Variants in ANKS1B observed in about 807,000 individuals in gnomAD.
ANKS1B encodes the protein ankyrin repeat and sterile alpha motif domain-containing protein 1B.
ANKS1B carries 36 observed loss-of-function variants against 148.3 expected under a neutral mutation model. The ratio of observed to expected loss-of-function variants is 0.24; its 90% CI spans 0.19 to 0.32. The LOEUF is 0.32. Ranked by LOEUF, ANKS1B falls within the 10% of genes least tolerant of loss-of-function variation. The pLI is 1.00. For missense variants in ANKS1B, 1,157 were observed against 1,542.6 expected, an observed-to-expected ratio of 0.75 and a Z score of 4.19; for synonymous variants, 542 against 560.8, an observed-to-expected ratio of 0.97 and a Z score of 0.47.
chr12:99,930,132 A>G (rs2094576330), intron 1 of ANKS1B, among the ~76,000 whole-genome samples: 1 of 151,712 alleles, frequency 6.6e-6, no homozygotes, highest in African/African-American at 2.4e-5. Context: ...ACCCATGAGC[A>G]TGGAATGTTC....
intron 8 of ANKS1B, among the ~76,000 whole-genome samples, chr12:99,689,360 T>A (rs1026664200): frequency 6.6e-6 from 1 of 152,182 alleles, no homozygotes; most frequent in Non-Finnish European, 1.5e-5. Context: ...GATCAAATAA[T>A]GCAAAGAAGA....
intron 8 of ANKS1B, among the ~76,000 whole-genome samples, chr12:99,747,833 C>G (rs536186058): frequency 5.3e-5 from 8 of 152,206 alleles, no homozygotes; most frequent in African/African-American, 1.9e-4. Flanking sequence ...GAAAAATGAA[C>G]CATTTTCTCA....
intron 10 of ANKS1B, among the ~76,000 whole-genome samples, chr12:99,447,979 G>A (rs889908372): frequency 3.3e-5 from 5 of 152,036 alleles, no homozygotes; most frequent in South Asian, 2.1e-4. Context: ...GTGGAGAAAG[G>A]GGAACCACTG....
intron 12 of ANKS1B, among the ~76,000 whole-genome samples, chr12:99,292,616 T>C (rs548343258): frequency 5.0e-4 from 76 of 150,902 alleles, no homozygotes; most frequent in Non-Finnish European, 1.1e-3. Flanking sequence ...AAAGGGCTAA[T>C]ATCCAGAATC....
chr12:99,509,890 C>T (rs190178581), intron 9 of ANKS1B, among the ~76,000 whole-genome samples: 1 of 152,118 alleles, frequency 6.6e-6, no homozygotes, highest in East Asian at 1.9e-4. Flanking sequence ...GGGGCTAGTG[C>T]AGTTGATGAC....
intron 12 of ANKS1B, among the ~76,000 whole-genome samples, chr12:99,330,175 T>C (rs1018649265): frequency 1.3e-5 from 2 of 151,952 alleles, no homozygotes; most frequent in Non-Finnish European, 2.9e-5. Context: ...TGGACTAGGG[T>C]AAAGCCTGTG....
At position 98,818,958 on chromosome 12, in the gene ANKS1B, T is replaced by C. The variant is rs555342318; in HGVS notation, c.3066+10216A>G. On this transcript the variant is annotated intron_variant, in intron 19 of 26. Transcript: ENST00000683438. ...GCAGTTGAACAATCCTCTTGAACGA[T>C]GCCAAGCTAAGAGGTCTCTAGTAGA... Among the ~76,000 whole-genome samples the C allele has an allele frequency of 3.9e-5, 6 of 152,336 alleles. No individual in the cohort carries two copies. The South Asian group carries it at 1.0e-3, about 26-fold the overall frequency.
intron 15 of ANKS1B, among the ~76,000 whole-genome samples, chr12:99,089,770 T>C (rs2053419239): frequency 6.6e-6 from 1 of 152,258 alleles, no homozygotes; most frequent in Non-Finnish European, 1.5e-5. Flanking sequence ...CATTTCTTTA[T>C]GGTGGGGCTA....
chr12:99,765,936 G>A (rs893576432), intron 8 of ANKS1B, among the ~76,000 whole-genome samples: 13 of 152,104 alleles, frequency 8.5e-5, no homozygotes, highest in Admixed American at 8.5e-4. Flanking sequence ...CTAGTAAATT[G>A]CAGAACAGAG....
intron 17 of ANKS1B, among the ~76,000 whole-genome samples, chr12:98,861,385 G>A (rs999911792): frequency 1.3e-5 from 2 of 152,110 alleles, no homozygotes; most frequent in Admixed American, 6.6e-5. Flanking sequence ...AAGGAAGGAA[G>A]GGTGTTGTTG....
intron 8 of ANKS1B, among the ~76,000 whole-genome samples, chr12:99,765,168 T>A (rs1057353801): frequency 2.0e-5 from 3 of 152,202 alleles, no homozygotes; most frequent in African/African-American, 7.2e-5. Flanking sequence ...CTGACTTTAC[T>A]CCTGATTCCC....
At chr12:99,653,803 A>G (rs1419209976) in intron 9 of ANKS1B, among the ~76,000 whole-genome samples, 1 of 150,870 alleles carries the variant, frequency 6.6e-6, no homozygotes, top group Non-Finnish European at 1.5e-5. Flanking sequence ...AGCTAGGGCT[A>G]TGGGTGTGTA....
intron 4 of ANKS1B, among the ~76,000 whole-genome samples, chr12:99,804,395 C>T (rs544591128): frequency 7.2e-5 from 11 of 152,120 alleles, no homozygotes; most frequent in African/African-American, 2.7e-4. Context: ...AATTCTTATG[C>T]TTTTTTGAGA....
intron 2 of ANKS1B, among the ~76,000 whole-genome samples, chr12:99,814,349 C>T (rs1565780881): frequency 1.3e-5 from 2 of 151,638 alleles, no homozygotes. Flanking sequence ...AAAGAATTCA[C>T]TCAATAAATA....
intron 14 of ANKS1B, among the ~76,000 whole-genome samples, chr12:99,158,810 T>C (rs1408959115): frequency 5.3e-5 from 8 of 152,194 alleles, no homozygotes; most frequent in Non-Finnish European, 1.5e-5. Flanking sequence ...TGGATGGATG[T>C]GTCCAAGAGA....
At chr12:99,309,362 TG>T (rs1279536830) in intron 12 of ANKS1B, among the ~76,000 whole-genome samples, 1 of 152,180 alleles carries the variant, frequency 6.6e-6, no homozygotes, top group African/African-American at 2.4e-5. Flanking sequence ...GTTAATGTTA[TG>T]TTTTTTTCCC....
intron 17 of ANKS1B, among the ~76,000 whole-genome samples, chr12:99,042,270 G>A (rs1468037070): frequency 6.6e-6 from 1 of 152,148 alleles, no homozygotes; most frequent in Non-Finnish European, 1.5e-5. Context: ...GTAAGTAGAG[G>A]TGTAAAAAAG....
intron 12 of ANKS1B, among the ~76,000 whole-genome samples, chr12:99,354,626 A>T (rs1211091039): frequency 3.3e-5 from 5 of 152,070 alleles, no homozygotes; most frequent in African/African-American, 1.2e-4. Flanking sequence ...TAAGAAAGAG[A>T]ATGAATACAA....
chr12:99,189,415 C>G (rs1210723669), intron 14 of ANKS1B, among the ~76,000 whole-genome samples: 1 of 152,284 alleles, frequency 6.6e-6, no homozygotes, highest in East Asian at 1.9e-4. Flanking sequence ...GGCCAATATC[C>G]CTGATGAACA....
Sources: gnomAD v4.1 joint callset for allele counts (sites outside exome capture counted in the v4.1 genomes callset) on GRCh38, gnomAD v4.1.1 for gene constraint, MANE v1.5 for transcripts, NCBI Gene and HGNC (gene_info 2026-07-23, HGNC 2026-07-21) for gene names.